Variants in BNC2 observed in about 807,000 individuals in gnomAD.
BNC2 encodes the protein zinc finger protein basonuclin-2.
A neutral mutation model predicts 76.3 loss-of-function variants in BNC2; 20 were observed. The observed-to-expected ratio is 0.26, with a 90% CI of 0.18 to 0.38. The LOEUF (loss-of-function observed/expected upper bound fraction) is 0.38. Among genes scored for constraint, BNC2 ranks in the 10% least tolerant of loss-of-function variants. The probability of loss-of-function intolerance (pLI) is 1.00; values close to 1 mark genes in which losing one functional copy is unlikely to be tolerated. For missense variants in BNC2, 1,382 were observed against 1,399.8 expected (o/e 0.99, Z 0.20); for synonymous variants, 582 against 514.8 (o/e 1.13, Z -1.77).
rs34834563 is a variant in BNC2, at chr9:16,465,434, CAAA to C, written c.670-27913_670-27911del. Among the ~76,000 whole-genome samples, 297 of 84,276 alleles carry C rather than the reference CAAA, an allele frequency of 3.5e-3. 9 individuals are homozygous for C. Among genetic ancestry groups the C allele is most frequent in the Admixed American group, 0.035 (232 of 6,656 alleles). 55.3% of individuals were successfully genotyped at this position (84,276 alleles called of 152,430 possible). ...CTGGGCGACAGTGAGACTCCAACTC[CAAA>C]AAAAAAAAAAAAAAAGGGTTAATAA... is the stretch of plus-strand genomic sequence containing the variant. On this transcript the variant is annotated intron_variant, in intron 5 of 6. Transcript: ENST00000380672.
intron 1 of BNC2, among the ~76,000 whole-genome samples, chr9:16,780,140 G>A (rs1452286164): frequency 1.4e-5 from 2 of 146,614 alleles, no homozygotes; most frequent in African/African-American, 5.0e-5. Context: ...GGAGGCTGAG[G>A]TAGGAGAATG....
chr9:16,432,143 T>C (rs1820921471), intron 6 of BNC2, among the ~76,000 whole-genome samples: 1 of 152,244 alleles, frequency 6.6e-6, no homozygotes, highest in African/African-American at 2.4e-5. Flanking sequence ...AGCTTGCTCT[T>C]TGTCAGTGTG....
intron 5 of BNC2, among the ~76,000 whole-genome samples, chr9:16,441,823 T>C (rs1009537033): frequency 2.6e-5 from 4 of 152,194 alleles, no homozygotes; most frequent in Non-Finnish European, 5.9e-5. Context: ...TTGCAAACAG[T>C]ATAAATTGTC....
rs116678583 is a variant in BNC2 at position 16,763,213 on chromosome 9, A to G, written c.4-24728T>C. 2.5e-3 allele frequency among the ~76,000 whole-genome samples: 380 copies of G among 152,326 alleles called. 2 individuals are homozygous for G. Among genetic ancestry groups the G allele is most frequent in the African/African-American group, 8.5e-3 (353 of 41,584 alleles). ...TGTCAGAAGATAAATTTATTTTTAT[A>G]GAGAGTAATTCCGTTCCCCTCCATT... is the stretch of plus-strand genomic sequence containing the variant. On this transcript the variant is annotated intron_variant, in intron 1 of 6. Coordinates refer to ENST00000380672, the MANE Select transcript of BNC2 (RefSeq NM_017637.6).
chr9:16,615,013 G>C (rs1820659905), intron 3 of BNC2, among the ~76,000 whole-genome samples: 6 of 136,324 alleles, frequency 4.4e-5, no homozygotes, highest in Admixed American at 7.6e-5. Flanking sequence ...AAGCCAAGCA[G>C]GCCAGTTACC....
At chr9:16,845,417 T>C (rs1225328472) in intron 1 of BNC2, among the ~76,000 whole-genome samples, 2 of 152,098 alleles carry the variant, frequency 1.3e-5, no homozygotes, top group African/African-American at 4.8e-5. Context: ...CCACGGTAGT[T>C]GGGTTTTCAA....
intron 1 of BNC2, among the ~76,000 whole-genome samples, chr9:16,777,598 G>A (rs959168068): frequency 6.6e-6 from 1 of 151,764 alleles, no homozygotes; most frequent in Non-Finnish European, 1.5e-5. Flanking sequence ...CTACTCGGGA[G>A]GCTGAGGCAA....
chr9:16,482,777 C>G (rs1822086577), intron 5 of BNC2, among the ~76,000 whole-genome samples: 1 of 152,194 alleles, frequency 6.6e-6, no homozygotes, highest in African/African-American at 2.4e-5. Context: ...TCATCACAAA[C>G]TTCAGACTCC....
chr9:16,561,668 A>C (rs1819020365), intron 4 of BNC2, among the ~76,000 whole-genome samples: 1 of 152,138 alleles, frequency 6.6e-6, no homozygotes, highest in South Asian at 2.1e-4. Context: ...CAGGGTGTAA[A>C]ACTCTTCTGA....
At chr9:16,547,561 T>C (rs548668917) in intron 5 of BNC2, among the ~76,000 whole-genome samples, 6 of 152,314 alleles carry the variant, frequency 3.9e-5, no homozygotes, top group Non-Finnish European at 8.8e-5. Context: ...TTTTAAATTG[T>C]GATAGGAGTT....
At chr9:16,635,521 C>T (rs968278175) in intron 3 of BNC2, among the ~76,000 whole-genome samples, 5 of 151,762 alleles carry the variant, frequency 3.3e-5, no homozygotes, top group African/African-American at 9.7e-5. Flanking sequence ...GTGTTTATGT[C>T]AAAAATTTAC....
Position 16,655,632 on chromosome 9 carries a change from T to C in BNC2, c.330+72165A>G, listed in dbSNP as rs554135482. ...TGAATCAGACTTTTAAAAAATCGAG[T>C]CTCTTTTTGAAATAATTCTAACAAA... On this transcript the variant is annotated intron_variant, in intron 3 of 6. Transcript: ENST00000380672. Among the ~76,000 whole-genome samples the C allele has an allele frequency of 2.0e-5, 3 of 152,304 alleles. No individual in the cohort carries two copies. The East Asian group carries it at 5.8e-4, about 29-fold the overall frequency.
At chr9:16,785,955 C>T (rs1826282026) in intron 1 of BNC2, among the ~76,000 whole-genome samples, 1 of 152,102 alleles carries the variant, frequency 6.6e-6, no homozygotes, top group African/African-American at 2.4e-5. Context: ...AGAACTGGAG[C>T]TTGCTGGTCC....
chr9:16,762,438 T>C (rs1181654296), intron 1 of BNC2, among the ~76,000 whole-genome samples: 1 of 152,092 alleles, frequency 6.6e-6, no homozygotes, highest in African/African-American at 2.4e-5. Flanking sequence ...CAAGTGGGAA[T>C]GAATCAAAGC....
chr9:16,705,861 A>C (rs923715267), intron 3 of BNC2, among the ~76,000 whole-genome samples: 2 of 152,224 alleles, frequency 1.3e-5, no homozygotes, highest in African/African-American at 4.8e-5. Flanking sequence ...AGAAGTTGAG[A>C]GAAAAATTCA....
At chr9:16,518,569 T>C (rs1587124757) in intron 5 of BNC2, among the ~76,000 whole-genome samples, 1 of 137,032 alleles carries the variant, frequency 7.3e-6, no homozygotes, top group South Asian at 2.6e-4. Flanking sequence ...AAAAGTCATA[T>C]ATATATATAT....
At chr9:16,870,039 C>G (rs1349320912) in intron 1 of BNC2, among the ~76,000 whole-genome samples, 4 of 152,188 alleles carry the variant, frequency 2.6e-5, no homozygotes, top group African/African-American at 4.8e-5. Flanking sequence ...TGCACCTTCT[C>G]CGTAAAGCCT....
intron 1 of BNC2, among the ~76,000 whole-genome samples, chr9:16,857,244 G>A (rs1401037367): frequency 6.6e-6 from 1 of 152,022 alleles, no homozygotes; most frequent in Non-Finnish European, 1.5e-5. Context: ...TTGGGAGGTT[G>A]AGGTGGGCAG....
chr9:16,713,799 C>T lies in BNC2; in HGVS notation c.330+13998G>A, dbSNP rs182335342. Reference sequence around the variant, plus strand: ...AAATACTTACTCAATTTTGGCTGGGCGTGGTGCCCTCATGCTTCTAATCCC... The same window carrying T: ...AAATACTTACTCAATTTTGGCTGGGTGTGGTGCCCTCATGCTTCTAATCCC... On this transcript the variant is annotated intron_variant, in intron 3 of 6. Coordinates refer to ENST00000380672, the MANE Select transcript of BNC2 (RefSeq NM_017637.6). Among the ~76,000 whole-genome samples the T allele has an allele frequency of 2.6e-5, 4 of 152,044 alleles. No homozygotes were observed. The East Asian group carries it at 5.8e-4, about 22-fold the overall frequency.
Sources: gnomAD v4.1 joint callset for allele counts (sites outside exome capture counted in the v4.1 genomes callset) on GRCh38, gnomAD v4.1.1 for gene constraint, MANE v1.5 for transcripts, NCBI Gene and HGNC (gene_info 2026-07-23, HGNC 2026-07-21) for gene names.